The following TRIM67 variants were observed in gnomAD, a reference collection of about 807,000 sequenced individuals.
TRIM67 encodes the protein tripartite motif-containing protein 67.
Under a neutral mutation model 71.0 loss-of-function variants are expected in TRIM67, and 39 were observed. The ratio of observed to expected loss-of-function variants is 0.55; its 90% CI spans 0.43 to 0.72. TRIM67 has a LOEUF of 0.72. Ranked by LOEUF, TRIM67 falls within the 30% of genes least tolerant of loss-of-function variation. The probability of loss-of-function intolerance (pLI) is 0.00; values close to 1 mark genes in which losing one functional copy is unlikely to be tolerated. For missense variants in TRIM67, 973 were observed against 1,079.2 expected (o/e 0.90, Z 1.38); for synonymous variants, 481 against 473.9 (o/e 1.01, Z -0.19).
In TRIM67 at chr1:231,182,473, G is replaced by A. The variant is rs188921859; in HGVS notation, c.1045-14898G>A. ...AAGAGATCCACATCTCGTTGGCACA[G>A]GGACCCAGAAAAGGGACATCTCAAC... is the stretch of plus-strand genomic sequence containing the variant. On this transcript the variant is annotated intron_variant, in intron 1 of 9. Coordinates refer to ENST00000366653, the MANE Select transcript of TRIM67 (RefSeq NM_001004342.5). Among the ~76,000 whole-genome samples the A allele has an allele frequency of 4.6e-5, 7 of 152,274 alleles. No homozygotes were observed. In the East Asian group the frequency reaches 9.6e-4, roughly 21 times the overall value.
chr1:231,204,382 T>C (rs1201605296), intron 6 of TRIM67, among the ~76,000 whole-genome samples: 2 of 152,232 alleles, frequency 1.3e-5, no homozygotes, highest in African/African-American at 4.8e-5. Context: ...GGAGGTATCA[T>C]TTCTGGAGAC....
At position 231,191,753 on chromosome 1, in the gene TRIM67, T is replaced by C. The variant is rs146124501; in HGVS notation, c.1045-5618T>C. Among the ~76,000 whole-genome samples the C allele has an allele frequency of 1.8e-3, 274 of 152,186 alleles. 2 individuals are homozygous for C. Among genetic ancestry groups the C allele is most frequent in the African/African-American group, 6.3e-3 (262 of 41,526 alleles). ...ATGGGGCTCCATGCCCTAGAAACAG[T>C]AGGTTTGGAATGACCACAAGGCCAT... On this transcript the variant is annotated intron_variant, in intron 1 of 9. Coordinates refer to ENST00000366653, the MANE Select transcript of TRIM67 (RefSeq NM_001004342.5).
At position 231,215,385 on chromosome 1, in the gene TRIM67, A is replaced by G. The variant is rs779836211; in HGVS notation, c.2297A>G (p.His766Arg). ...TGTCTTCTTTTCCAGGTCACCCTGCACACAGGATTGGAAGTGCCGACTAAC... is the reference window on the plus strand; with the variant it reads ...TGTCTTCTTTTCCAGGTCACCCTGCGCACAGGATTGGAAGTGCCGACTAAC... Reference protein sequence around the residue: ...SLNRNVQVTLHTGLEVPTNLG... With the variant: ...SLNRNVQVTLRTGLEVPTNLG... The change falls in exon 10 of 10, where the codon CAC becomes CGC. Residue 766 changes from histidine (H) to arginine (R), a missense_variant. His to Arg is a conservative substitution (Grantham distance 29). Coordinates refer to ENST00000366653, the MANE Select transcript of TRIM67 (RefSeq NM_001004342.5). 30 of 1,612,966 alleles carry G rather than the reference A, an allele frequency of 1.9e-5. No individual in the cohort carries two copies. Among genetic ancestry groups the G allele is most frequent in the Non-Finnish European group, 2.5e-5 (29 of 1,179,296 alleles).
chr1:231,187,110 A>G (rs1683102863), intron 1 of TRIM67, among the ~76,000 whole-genome samples: 1 of 152,220 alleles, frequency 6.6e-6, no homozygotes, highest in Admixed American at 6.5e-5. Context: ...AGGAAGTCGT[A>G]GCTGTGTTGT....
Position 231,219,917 on chromosome 1 carries a change from C to T in TRIM67, c.*4477C>T, listed in dbSNP as rs1684101004. 5 of 1,289,774 alleles carry T rather than the reference C, an allele frequency of 3.9e-6. No individual in the cohort carries two copies. The highest frequency in any genetic ancestry group is 5.1e-6 in the Non-Finnish European group (5 of 988,904). The allele number at this position is 1,289,774 out of a possible 1,614,324, so 79.9% of individuals were successfully genotyped here. A position where few individuals can be genotyped will look rare whatever the true frequency, so the allele number is the denominator to read the frequency against. On this transcript the variant is annotated 3_prime_UTR_variant, in exon 10 of 10. Coordinates refer to ENST00000366653, the MANE Select transcript of TRIM67 (RefSeq NM_001004342.5). Reference sequence around the variant, plus strand: ...TTTCGGGCAGGATGTATTGATCAGACACCAAGTTCAGCCCTCGGTTACTTC... The same window carrying T: ...TTTCGGGCAGGATGTATTGATCAGATACCAAGTTCAGCCCTCGGTTACTTC...
chr1:231,216,391 A>G lies in TRIM67; in HGVS notation c.*951A>G, dbSNP rs887569370. On this transcript the variant is annotated 3_prime_UTR_variant, in exon 10 of 10. Coordinates refer to ENST00000366653, the MANE Select transcript of TRIM67 (RefSeq NM_001004342.5). ...ACACAAGAATTTTAACAACTATGTC[A>G]TAGGTCTTCGCCTGGTGATGGCTCC... 1 of 985,488 alleles carries G rather than the reference A, an allele frequency of 1.0e-6. No individual in the cohort carries two copies. The highest frequency in any genetic ancestry group is 1.2e-6 in the Non-Finnish European group (1 of 829,954). 61.0% of individuals were successfully genotyped at this position (985,488 alleles called of 1,614,324 possible).
chr1:231,208,075 T>A (rs563859618), intron 7 of TRIM67, among the ~76,000 whole-genome samples: 1 of 149,760 alleles, frequency 6.7e-6, no homozygotes, highest in African/African-American at 2.5e-5. Context: ...AATGGCACAA[T>A]CTTGGCTCAC....
At chr1:231,174,099 C>T (rs542264407) in intron 1 of TRIM67, among the ~76,000 whole-genome samples, 1 of 151,366 alleles carries the variant, frequency 6.6e-6, no homozygotes, top group East Asian at 1.9e-4. Context: ...AGATTGCTTG[C>T]TATTGTCACA....
At chr1:231,178,939 G>C (rs1455102679) in intron 1 of TRIM67, among the ~76,000 whole-genome samples, 1 of 152,156 alleles carries the variant, frequency 6.6e-6, no homozygotes, top group Non-Finnish European at 1.5e-5. Context: ...GTCCTAGAGA[G>C]CCCAACACCC....
chr1:231,193,679 A>C (rs1683295396), intron 1 of TRIM67, among the ~76,000 whole-genome samples: 1 of 152,140 alleles, frequency 6.6e-6, no homozygotes, highest in African/African-American at 2.4e-5. Flanking sequence ...CAGGCTGTAC[A>C]AGAAGCATGG....
At chr1:231,186,175 T>C in intron 1 of TRIM67, 1 of 1,530,546 alleles carries the variant, frequency 6.5e-7, no homozygotes, top group Non-Finnish European at 8.7e-7. Context: ...CTCTTTGTTC[T>C]GCATGAATCA....
chr1:231,204,502 G>C (rs1349909550), intron 6 of TRIM67, among the ~76,000 whole-genome samples: 1 of 152,174 alleles, frequency 6.6e-6, no homozygotes, highest in Non-Finnish European at 1.5e-5. Context: ...TGTCCCTGCT[G>C]ATAGACTATC....
chr1:231,166,424 G>A (rs1379011180), intron 1 of TRIM67, among the ~76,000 whole-genome samples: 1 of 152,194 alleles, frequency 6.6e-6, no homozygotes, highest in East Asian at 1.9e-4. Flanking sequence ...TTGTGGCTGG[G>A]CATCTAGACC....
rs572367525 is a variant in TRIM67, at chr1:231,178,864, T to C, written c.1044+14851T>C. On this transcript the variant is annotated intron_variant, in intron 1 of 9. Coordinates refer to ENST00000366653, the MANE Select transcript of TRIM67 (RefSeq NM_001004342.5). ...TCAGATGAGGTTAGTAAAAGGTTCC[T>C]ATTACACCTTCGGGGCACTCAGTTT... 2.0e-5 allele frequency among the ~76,000 whole-genome samples: 3 copies of C among 152,346 alleles called. No individual in the cohort carries two copies. The East Asian group carries it at 5.8e-4, about 29-fold the overall frequency.
At chr1:231,196,936 C>T (rs775914936) in intron 1 of TRIM67, among the ~76,000 whole-genome samples, 4 of 152,192 alleles carry the variant, frequency 2.6e-5, no homozygotes, top group Non-Finnish European at 4.4e-5. Flanking sequence ...AGGGTTTGCA[C>T]CCCAGGCCAG....
chr1:231,167,470 C>A (rs1682505434), intron 1 of TRIM67, among the ~76,000 whole-genome samples: 2 of 125,970 alleles, frequency 1.6e-5, no homozygotes, highest in South Asian at 4.7e-4. Context: ...CTACAGGCGC[C>A]CGCCACTACG....
intron 2 of TRIM67, among the ~76,000 whole-genome samples, chr1:231,198,048 G>A (rs1202114957): frequency 6.6e-6 from 1 of 152,190 alleles, no homozygotes; most frequent in Non-Finnish European, 1.5e-5. Flanking sequence ...GAGCCAATTA[G>A]AGAGAGCTGG....
rs114325030 is a variant in TRIM67, at chr1:231,219,892, T to C, written c.*4452T>C. ...TAGGCTGTAAAAATATGAGGGCAGG[T>C]TTCGGGCAGGATGTATTGATCAGAC... On this transcript the variant is annotated 3_prime_UTR_variant, in exon 10 of 10. Transcript: ENST00000366653. The C allele has an allele frequency of 9.1e-4, 1,172 of 1,289,778 alleles. 6 individuals carry two copies. In the African/African-American group the frequency reaches 0.017, roughly 18 times the overall value. The allele number at this position is 1,289,778 out of a possible 1,614,324, so 79.9% of individuals were successfully genotyped here.
At chr1:231,183,310 A>G (rs962784062) in intron 1 of TRIM67, among the ~76,000 whole-genome samples, 2 of 152,132 alleles carry the variant, frequency 1.3e-5, no homozygotes, top group African/African-American at 4.8e-5. Context: ...AAATTATCAG[A>G]AAAATAGGCC....
Sources: gnomAD v4.1 joint callset for allele counts (sites outside exome capture counted in the v4.1 genomes callset) on GRCh38, gnomAD v4.1.1 for gene constraint, MANE v1.5 for transcripts, NCBI Gene and HGNC (gene_info 2026-07-23, HGNC 2026-07-21) for gene names.